Variants in PTPRD observed in about 807,000 individuals in gnomAD.
PTPRD encodes receptor-type tyrosine-protein phosphatase delta.
A neutral mutation model predicts 214.5 loss-of-function variants in PTPRD; 34 were observed. The observed-to-expected ratio is 0.16, with a 90% CI of 0.12 to 0.21. PTPRD has a LOEUF of 0.21. Ranked by LOEUF, PTPRD falls within the 10% of genes least tolerant of loss-of-function variation. PTPRD has a pLI of 1.00. For missense variants in PTPRD, 2,545 were observed against 2,398.7 expected, an observed-to-expected ratio of 1.06 and a Z score of -1.27; for synonymous variants, 1,128 against 845.7, an observed-to-expected ratio of 1.33 and a Z score of -5.79.
At chr9:10,597,710 G>A (rs949721315) in intron 2 of PTPRD, among the ~76,000 whole-genome samples, 20 of 151,730 alleles carry the variant, frequency 1.3e-4, no homozygotes, top group South Asian at 4.2e-4. Flanking sequence ...TAGGAATATC[G>A]GCTGTAATTA....
intron 36 of PTPRD, among the ~76,000 whole-genome samples, chr9:8,392,217 C>G (rs893850795): frequency 6.6e-6 from 1 of 151,874 alleles, no homozygotes; most frequent in African/African-American, 2.4e-5. Flanking sequence ...GACCCTGTCT[C>G]TACAAAAAAA....
intron 2 of PTPRD, among the ~76,000 whole-genome samples, chr9:10,464,739 C>A (rs947346061): frequency 6.6e-6 from 1 of 151,992 alleles, no homozygotes; most frequent in African/African-American, 2.4e-5. Context: ...AACTCATCGT[C>A]TCATGTAACC....
At position 8,906,137 on chromosome 9, in the gene PTPRD, G is replaced by A. The variant is rs1035176910; in HGVS notation, c.-104+112560C>T. Among the ~76,000 whole-genome samples the A allele has an allele frequency of 1.2e-4, 18 of 152,232 alleles. 1 individual carries two copies. The Middle Eastern group carries it at 0.01, about 87-fold the overall frequency. On this transcript the variant is annotated intron_variant, in intron 11 of 45. Coordinates refer to ENST00000381196, the MANE Select transcript of PTPRD (RefSeq NM_002839.4). ...GAATTAAATATTTGTAAGGACCTAT[G>A]CCCTGAGTTTGGAAATTTTCCTGAC...
intron 7 of PTPRD, among the ~76,000 whole-genome samples, chr9:9,714,669 A>C (rs2097788123): frequency 6.6e-6 from 1 of 152,186 alleles, no homozygotes; most frequent in Non-Finnish European, 1.5e-5. Context: ...AAAAGAGAAA[A>C]TACAGTGAGT....
chr9:9,205,732 A>G (rs2099944456), intron 9 of PTPRD, among the ~76,000 whole-genome samples: 1 of 152,144 alleles, frequency 6.6e-6, no homozygotes, highest in South Asian at 2.1e-4. Context: ...CTATTTATCC[A>G]TTCTTTTACT....
chr9:9,163,467 T>C, intron 10 of PTPRD, among the ~76,000 whole-genome samples: 1 of 152,042 alleles, frequency 6.6e-6, no homozygotes, highest in African/African-American at 2.4e-5. Flanking sequence ...TATTGTCAAA[T>C]TGCTTTCTGG....
At chr9:10,348,851 C>T (rs573033326) in intron 2 of PTPRD, among the ~76,000 whole-genome samples, 27 of 152,192 alleles carry the variant, frequency 1.8e-4, no homozygotes, top group South Asian at 1.0e-3. Flanking sequence ...AAGATGGCTA[C>T]AAAGATGAAA....
At chr9:9,051,794 G>T (rs1167060694) in intron 10 of PTPRD, among the ~76,000 whole-genome samples, 1 of 152,114 alleles carries the variant, frequency 6.6e-6, no homozygotes, top group Non-Finnish European at 1.5e-5. Context: ...ACTGACTAAG[G>T]TGCTTATACC....
intron 14 of PTPRD, among the ~76,000 whole-genome samples, chr9:8,588,391 C>A (rs1023857377): frequency 6.6e-6 from 1 of 152,076 alleles, no homozygotes; most frequent in Non-Finnish European, 1.5e-5. Flanking sequence ...ATGACAACTG[C>A]AATAACCAAA....
intron 10 of PTPRD, among the ~76,000 whole-genome samples, chr9:9,174,508 G>A (rs139288188): frequency 2.0e-5 from 3 of 152,130 alleles, no homozygotes; most frequent in African/African-American, 7.2e-5. Context: ...CTGCCTTAAG[G>A]GTTTTCAGGA....
chr9:10,183,222 GA>G (rs2099310949), intron 3 of PTPRD, among the ~76,000 whole-genome samples: 1 of 152,086 alleles, frequency 6.6e-6, no homozygotes, highest in Non-Finnish European at 1.5e-5. Flanking sequence ...GAATGGAGAG[GA>G]GATATACTAA....
At chr9:9,935,049 A>G (rs1051377532) in intron 5 of PTPRD, among the ~76,000 whole-genome samples, 1 of 152,204 alleles carries the variant, frequency 6.6e-6, no homozygotes, top group Non-Finnish European at 1.5e-5. Context: ...AAAACTCAAT[A>G]AATTAGGTAT....
At chr9:8,664,339 C>T (rs1450336520) in intron 12 of PTPRD, among the ~76,000 whole-genome samples, 5 of 152,142 alleles carry the variant, frequency 3.3e-5, no homozygotes, top group Non-Finnish European at 7.3e-5. Context: ...CATCAAGGTT[C>T]AAAATTTTCT....
intron 11 of PTPRD, among the ~76,000 whole-genome samples, chr9:8,975,644 T>C (rs1171399841): frequency 2.6e-5 from 4 of 151,932 alleles, no homozygotes; most frequent in African/African-American, 9.7e-5. Context: ...AAATTACTTA[T>C]CTTGATGTAT....
chr9:9,028,195 C>G (rs78850261), intron 10 of PTPRD, among the ~76,000 whole-genome samples: 1,922 of 152,010 alleles, frequency 0.013, 34 homozygotes, highest in African/African-American at 0.043. Flanking sequence ...ATCAAAACTT[C>G]TAAATATGTT....
intron 12 of PTPRD, among the ~76,000 whole-genome samples, chr9:8,642,912 A>C (rs1050226359): frequency 6.6e-6 from 1 of 152,024 alleles, no homozygotes; most frequent in African/African-American, 2.4e-5. Context: ...GGGAGGTCCC[A>C]AAGTTGATGT....
At chr9:9,839,271 T>C (rs1215998370) in intron 5 of PTPRD, among the ~76,000 whole-genome samples, 4 of 152,108 alleles carry the variant, frequency 2.6e-5, no homozygotes, top group African/African-American at 4.8e-5. Context: ...TGTCCCTGTT[T>C]GCAGATGACA....
rs573253799 is a variant in PTPRD at position 10,184,453 on chromosome 9, A to T, written c.-544-150663T>A. Among the ~76,000 whole-genome samples, 8 of 152,122 alleles carry T rather than the reference A, an allele frequency of 5.3e-5. No individual in the cohort carries two copies. The South Asian group carries it at 1.5e-3, about 28-fold the overall frequency. ...ATATAAATAAATAAATAAATAATAA[A>T]TTTTAGAATTCAATAACCTAGACAC... On this transcript the variant is annotated intron_variant, in intron 3 of 45. Coordinates refer to ENST00000381196, the MANE Select transcript of PTPRD (RefSeq NM_002839.4).
intron 8 of PTPRD, among the ~76,000 whole-genome samples, chr9:9,421,767 A>C (rs1031140425): frequency 1.2e-4 from 18 of 152,116 alleles, no homozygotes; most frequent in African/African-American, 4.3e-4. Flanking sequence ...TATTGTAGCT[A>C]ATAGGATTTG....
Sources: gnomAD v4.1 joint callset for allele counts (sites outside exome capture counted in the v4.1 genomes callset) on GRCh38, gnomAD v4.1.1 for gene constraint, MANE v1.5 for transcripts, NCBI Gene and HGNC (gene_info 2026-07-23, HGNC 2026-07-21) for gene names.